The following TSPAN7 variants were observed in gnomAD, a reference collection of about 807,000 sequenced individuals.
TSPAN7 encodes the protein tetraspanin 7.
In TSPAN7, 1 loss-of-function variant was observed where a neutral mutation model predicts 17.6. The ratio of observed to expected loss-of-function variants is 0.06; its 90% CI spans 0.02 to 0.27. The LOEUF (loss-of-function observed/expected upper bound fraction) is 0.27, where lower values mean the gene tolerates loss of function less well. TSPAN7 is among the 10% of genes least tolerant of loss of function. The pLI, the probability that TSPAN7 is intolerant of heterozygous loss-of-function variation, is 1.00. For missense variants in TSPAN7, 112 were observed against 201.7 expected (o/e 0.56, Z 2.69); for synonymous variants, 78 against 79.0 (o/e 0.99, Z 0.07).
intron 1 of TSPAN7, among the ~76,000 whole-genome samples, chrX:38,617,210 G>T (rs187839164): frequency 9.8e-4 from 110 of 111,733 alleles, no homozygotes; most frequent in African/African-American, 3.5e-3. Flanking sequence ...GAGATTCCTG[G>T]GCCTACCTCT....
In TSPAN7 at chrX:38,642,334, A is replaced by G. The variant is rs189925756; in HGVS notation, c.82-23787A>G. Among the ~76,000 whole-genome samples, 70 of 111,726 alleles carry G rather than the reference A, an allele frequency of 6.3e-4. 1 individual carries two copies. The highest frequency in any genetic ancestry group is 5.3e-4 in the Non-Finnish European group (28 of 53,091). On this transcript the variant is annotated intron_variant, in intron 1 of 7. Coordinates refer to ENST00000378482, the MANE Select transcript of TSPAN7 (RefSeq NM_004615.4). ...ATCATGAGAGGAAAAAAGCCACCCA[A>G]TCTCCCAGTGGGTATTTATAGGACA...
At chrX:38,682,311 T>C (rs944966365) in intron 6 of TSPAN7, among the ~76,000 whole-genome samples, 7 of 112,531 alleles carry the variant, frequency 6.2e-5, no homozygotes, top group Non-Finnish European at 1.3e-4. Flanking sequence ...CCCTCCTGCT[T>C]AGCAATGCAG....
At chrX:38,635,545 G>A (rs1325996414) in intron 1 of TSPAN7, among the ~76,000 whole-genome samples, 1 of 111,667 alleles carries the variant, frequency 9.0e-6, no homozygotes, top group Non-Finnish European at 1.9e-5. Flanking sequence ...CTCAGTTGAT[G>A]AAAATTAATG....
At chrX:38,567,385 T>C (rs1173278314) in intron 1 of TSPAN7, among the ~76,000 whole-genome samples, 5 of 112,066 alleles carry the variant, frequency 4.5e-5, no homozygotes, top group African/African-American at 1.6e-4. Context: ...GGAACTCCCA[T>C]TTATAAAACC....
intron 1 of TSPAN7, chrX:38,563,106 T>A: frequency 1.0e-6 from 1 of 970,249 alleles, no homozygotes; most frequent in Non-Finnish European, 1.3e-6. Context: ...CATTTCCTTA[T>A]CGCTGGCGTT....
chrX:38,640,264 G>T (rs2069605066), intron 1 of TSPAN7, among the ~76,000 whole-genome samples: 1 of 111,609 alleles, frequency 9.0e-6, no homozygotes, highest in African/African-American at 3.3e-5. Flanking sequence ...CCTTCTCTGT[G>T]CTGGACTCCA....
intron 1 of TSPAN7, among the ~76,000 whole-genome samples, chrX:38,566,037 C>T (rs138776677): frequency 0.017 from 1,889 of 112,039 alleles, 53 homozygotes; most frequent in African/African-American, 0.058. Context: ...CACTACTGGA[C>T]TTACATAGCA....
In TSPAN7 at chrX:38,671,365, T is replaced by C; in HGVS notation, c.271-11T>C. On this transcript the variant is annotated splice_polypyrimidine_tract_variant and intron_variant, in intron 2 of 7. Coordinates refer to ENST00000378482, the MANE Select transcript of TSPAN7 (RefSeq NM_004615.4). Reference sequence around the variant, plus strand: ...TGTATCTGACTTTGTCTTTGTGTGCTTAATTTTCAGTATGCCATGTTTCTG... The same window carrying C: ...TGTATCTGACTTTGTCTTTGTGTGCCTAATTTTCAGTATGCCATGTTTCTG... 1.7e-6 allele frequency: 2 copies of C among 1,210,651 alleles called. No homozygotes were observed. The highest frequency in any genetic ancestry group is 2.2e-6 in the Non-Finnish European group (2 of 894,292).
chrX:38,606,484 G>A (rs2069384119), intron 1 of TSPAN7, among the ~76,000 whole-genome samples: 1 of 111,788 alleles, frequency 8.9e-6, no homozygotes, highest in Non-Finnish European at 1.9e-5. Flanking sequence ...TTGGTGCCCA[G>A]ACGAGCCAGA....
chrX:38,651,461 T>TC (rs755182547), intron 1 of TSPAN7, among the ~76,000 whole-genome samples: 2 of 111,165 alleles, frequency 1.8e-5, no homozygotes, highest in South Asian at 3.8e-4. Context: ...CGAGACTCCA[T>TC]CCCCCCAAAA....
At chrX:38,607,506 G>A (rs954008399) in intron 1 of TSPAN7, among the ~76,000 whole-genome samples, 6 of 111,183 alleles carry the variant, frequency 5.4e-5, no homozygotes, top group Non-Finnish European at 1.1e-4. Flanking sequence ...TAAACATGCA[G>A]GTACCCGGAC....
chrX:38,632,388 T>C (rs1200068112), intron 1 of TSPAN7, among the ~76,000 whole-genome samples: 5 of 112,383 alleles, frequency 4.4e-5, no homozygotes, highest in African/African-American at 1.6e-4. Context: ...AACACTGTTA[T>C]AAGATATTCT....
chrX:38,662,944 C>T (rs2069756261), intron 1 of TSPAN7, among the ~76,000 whole-genome samples: 1 of 110,219 alleles, frequency 9.1e-6, no homozygotes, highest in African/African-American at 3.3e-5. Context: ...TTTTCTCTCC[C>T]ATGCAATATG....
chrX:38,606,594 A>G (rs1195177624), intron 1 of TSPAN7, among the ~76,000 whole-genome samples: 1 of 111,025 alleles, frequency 9.0e-6, no homozygotes, highest in Non-Finnish European at 1.9e-5. Flanking sequence ...TCTTAAGTCC[A>G]TAATATTGGT....
chrX:38,600,373 C>T (rs1375906839), intron 1 of TSPAN7, among the ~76,000 whole-genome samples: 1 of 111,513 alleles, frequency 9.0e-6, no homozygotes, highest in African/African-American at 3.3e-5. Flanking sequence ...TCTTGTTTTT[C>T]TCCCCAACCC....
At chrX:38,628,310 G>A (rs2069532595) in intron 1 of TSPAN7, among the ~76,000 whole-genome samples, 1 of 112,260 alleles carries the variant, frequency 8.9e-6, no homozygotes, top group Non-Finnish European at 1.9e-5. Context: ...TTATGGATGT[G>A]GCTTTGGAAA....
At chrX:38,619,555 T>A (rs1395611142) in intron 1 of TSPAN7, among the ~76,000 whole-genome samples, 1 of 111,742 alleles carries the variant, frequency 8.9e-6, no homozygotes, top group African/African-American at 3.3e-5. Context: ...GATAGTTGTA[T>A]GAAGGGTAGG....
intron 3 of TSPAN7, among the ~76,000 whole-genome samples, chrX:38,673,731 C>G (rs887497837): frequency 7.3e-5 from 8 of 109,885 alleles, no homozygotes; most frequent in African/African-American, 2.3e-4. Context: ...TCAATAAAGA[C>G]AGGTAAGTGA....
intron 1 of TSPAN7, among the ~76,000 whole-genome samples, chrX:38,634,785 T>C (rs1234659775): frequency 9.0e-6 from 1 of 111,470 alleles, no homozygotes; most frequent in Non-Finnish European, 1.9e-5. Context: ...ATAAAACTTC[T>C]TTCCAGCCTC....
Sources: allele counts gnomAD v4.1 joint callset (sites outside exome capture counted in the v4.1 genomes callset), GRCh38; gene constraint gnomAD v4.1.1; transcripts MANE v1.5; gene names NCBI Gene and HGNC (gene_info 2026-07-23, HGNC 2026-07-21).